RGS20: variants seen among roughly 807,000 people sequenced by gnomAD.
The protein encoded by RGS20 is gz-selective GTPase-activating protein.
In RGS20, 30 loss-of-function variants were observed where a neutral mutation model predicts 33.6. That is an observed-to-expected ratio of 0.89 (90% CI 0.67 to 1.21). RGS20 has a LOEUF of 1.21. Ranked by LOEUF, RGS20 falls within the 50% of genes most tolerant of loss-of-function variation. The pLI, the probability that RGS20 is intolerant of heterozygous loss-of-function variation, is 0.00. For missense variants in RGS20, 472 were observed against 502.4 expected, an observed-to-expected ratio of 0.94 and a Z score of 0.58; for synonymous variants, 208 against 197.9, an observed-to-expected ratio of 1.05 and a Z score of -0.43.
rs958506281 is a variant in RGS20, at chr8:53,958,300, A to G, written c.1009A>G (p.Ile337Val). ...CTTAGACTCCCGGGTGAGAGAAGTG[A>G]TCAACAGAAACATGGTGGAGCCATC... is the stretch of plus-strand genomic sequence containing the variant. Residue 337 changes from isoleucine (I) to valine (V), a missense_variant, in exon 6 of 6, where the codon ATC (isoleucine) becomes GTC (valine). Coordinates refer to ENST00000297313, the MANE Select transcript of RGS20 (RefSeq NM_170587.4). 44 of 1,613,104 alleles carry G rather than the reference A, an allele frequency of 2.7e-5. No individual in the cohort carries two copies. The highest frequency in any genetic ancestry group is 3.6e-5 in the Non-Finnish European group (43 of 1,179,586).
At chr8:53,871,398 C>A (rs369586232) in intron 1 of RGS20, among the ~76,000 whole-genome samples, 12 of 152,066 alleles carry the variant, frequency 7.9e-5, no homozygotes, top group African/African-American at 2.4e-4. Context: ...TATTGCAGGC[C>A]AGGCACGGTG....
intron 1 of RGS20, among the ~76,000 whole-genome samples, chr8:53,878,654 C>A (rs550514668): frequency 6.6e-6 from 1 of 152,174 alleles, no homozygotes; most frequent in Admixed American, 6.5e-5. Flanking sequence ...TTCCAACCAG[C>A]CTGTGGAGGG....
chr8:53,881,854 G>C (rs1812394164), intron 2 of RGS20, among the ~76,000 whole-genome samples: 2 of 151,872 alleles, frequency 1.3e-5, no homozygotes, highest in Admixed American at 1.3e-4. Flanking sequence ...CTGGGAAGTC[G>C]AAACAAGTCT....
At chr8:53,937,251 C>G (rs1814162095) in intron 2 of RGS20, among the ~76,000 whole-genome samples, 2 of 151,874 alleles carry the variant, frequency 1.3e-5, no homozygotes, top group Non-Finnish European at 2.9e-5. Flanking sequence ...TGTAACAAAC[C>G]TGCACGTTGT....
intron 1 of RGS20, among the ~76,000 whole-genome samples, chr8:53,858,599 A>G (rs1041892667): frequency 1.1e-4 from 17 of 152,100 alleles, no homozygotes; most frequent in Non-Finnish European, 2.2e-4. Flanking sequence ...TTGGCTTGAA[A>G]AAAGTCAATG....
At chr8:53,876,391 A>G (rs1266700190) in intron 1 of RGS20, 1 of 152,260 alleles carries the variant, frequency 6.6e-6, no homozygotes, top group Non-Finnish European at 1.5e-5. Flanking sequence ...GTGGTGGTTC[A>G]ATCAGAATAA....
chr8:53,897,652 A>G (rs1430599703), intron 2 of RGS20, among the ~76,000 whole-genome samples: 1 of 152,124 alleles, frequency 6.6e-6, no homozygotes, highest in Non-Finnish European at 1.5e-5. Context: ...CTCATCATCC[A>G]TCTTCTTTTT....
chr8:53,887,771 G>A (rs1812591345), intron 2 of RGS20, among the ~76,000 whole-genome samples: 1 of 151,956 alleles, frequency 6.6e-6, no homozygotes, highest in South Asian at 2.1e-4. Flanking sequence ...GAGCCCAGGA[G>A]TTCCAGACCA....
chr8:53,904,208 C>T (rs1401960849), intron 2 of RGS20, among the ~76,000 whole-genome samples: 2 of 151,820 alleles, frequency 1.3e-5, no homozygotes, highest in African/African-American at 2.4e-5. Context: ...CTGCAACCTC[C>T]GCATCCCAGG....
At chr8:53,940,541 C>G (rs1020762542) in intron 3 of RGS20, among the ~76,000 whole-genome samples, 22 of 152,146 alleles carry the variant, frequency 1.4e-4, no homozygotes, top group Admixed American at 5.2e-4. Context: ...GATCACGAAC[C>G]GTGAAATGGA....
At chr8:53,956,858 C>CA (rs1393951832) in intron 5 of RGS20, among the ~76,000 whole-genome samples, 33 of 151,896 alleles carry the variant, frequency 2.2e-4, no homozygotes, top group East Asian at 7.8e-4. Flanking sequence ...ATTATACAAC[C>CA]AAAAACAGGC....
chr8:53,883,930 G>A (rs1004537081), intron 2 of RGS20, among the ~76,000 whole-genome samples: 1 of 148,572 alleles, frequency 6.7e-6, no homozygotes, highest in Non-Finnish European at 1.5e-5. Flanking sequence ...TGGGCAACAA[G>A]AGCAAAACTC....
intron 2 of RGS20, among the ~76,000 whole-genome samples, chr8:53,888,247 T>C (rs942018712): frequency 1.3e-5 from 2 of 152,248 alleles, no homozygotes; most frequent in African/African-American, 4.8e-5. Flanking sequence ...GACTGTTTAA[T>C]GAATTAGAGT....
At chr8:53,952,854 A>G (rs781273659) in intron 4 of RGS20, among the ~76,000 whole-genome samples, 2 of 152,236 alleles carry the variant, frequency 1.3e-5, no homozygotes, top group African/African-American at 2.4e-5. Context: ...TTCTGATCTC[A>G]ATATAATTAT....
At chr8:53,947,169 C>T (rs1814512218) in intron 4 of RGS20, among the ~76,000 whole-genome samples, 2 of 140,582 alleles carry the variant, frequency 1.4e-5, no homozygotes, top group South Asian at 4.5e-4. Context: ...TTTATACACT[C>T]TATATAAGAT....
At chr8:53,944,084 TAAGAA>T (rs1011249261) in intron 3 of RGS20, among the ~76,000 whole-genome samples, 1 of 141,302 alleles carries the variant, frequency 7.1e-6, no homozygotes, top group Non-Finnish European at 1.5e-5. Flanking sequence ...AAAATAGTGT[TAAGAA>T]AAGATATAAT....
intron 2 of RGS20, among the ~76,000 whole-genome samples, chr8:53,935,822 T>C (rs933412255): frequency 6.6e-6 from 1 of 152,206 alleles, no homozygotes; most frequent in Non-Finnish European, 1.5e-5. Flanking sequence ...CCAATATCCC[T>C]GATGAACATC....
At chr8:53,919,899 TTG>T (rs1279350537) in intron 2 of RGS20, among the ~76,000 whole-genome samples, 1 of 151,540 alleles carries the variant, frequency 6.6e-6, no homozygotes, top group Non-Finnish European at 1.5e-5. Context: ...TTTTGTTTGT[TTG>T]TTTGTTTGTT....
In RGS20 at chr8:53,879,583, G is replaced by T. The variant is rs1241348503; in HGVS notation, c.491G>T (p.Gly164Val). Residue 164 changes from glycine (G) to valine (V), a missense_variant, in exon 2 of 6, where the codon GGG becomes GTG. This residue lies in a region of RGS20 where 319 missense variants were observed against 283.4 expected (regional missense o/e 1.13). Transcript: ENST00000297313. ...CCCAGGGAAGAAGACGCCACCGCTGGGCAGAGCTCGCCTATGCCGGTGAGT... is the reference window on the plus strand; with the variant it reads ...CCCAGGGAAGAAGACGCCACCGCTGTGCAGAGCTCGCCTATGCCGGTGAGT... 2.6e-6 allele frequency: 4 copies of T among 1,524,644 alleles called. No homozygotes were observed. Among genetic ancestry groups the T allele is most frequent in the Non-Finnish European group, 3.5e-6 (4 of 1,137,638 alleles). The allele number at this position is 1,524,644 out of a possible 1,614,324, so 94.4% of individuals were successfully genotyped here.
Sources: gnomAD v4.1 joint callset for allele counts (sites outside exome capture counted in the v4.1 genomes callset) on GRCh38, gnomAD v4.1.1 for gene constraint, gnomAD v4.1.1 regional missense constraint, MANE v1.5 for transcripts, NCBI Gene and HGNC (gene_info 2026-07-23, HGNC 2026-07-21) for gene names.